The following BMPR2 variants were observed in gnomAD, a reference collection of about 807,000 sequenced individuals.
The protein encoded by BMPR2 is bone morphogenetic protein receptor type-2.
In BMPR2, 29 loss-of-function variants were observed where a neutral mutation model predicts 100.8. The ratio of observed to expected loss-of-function variants is 0.29; its 90% CI spans 0.21 to 0.39. The LOEUF (loss-of-function observed/expected upper bound fraction) is 0.39. Ranked by LOEUF, BMPR2 falls within the 10% of genes least tolerant of loss-of-function variation. BMPR2 has a pLI of 1.00. For missense variants in BMPR2, 1,011 were observed against 1,274.5 expected (o/e 0.79, Z 3.15); for synonymous variants, 382 against 442.3 (o/e 0.86, Z 1.71).
intron 3 of BMPR2, among the ~76,000 whole-genome samples, chr2:202,470,558 G>A (rs1389648284): frequency 4.0e-5 from 6 of 148,912 alleles, no homozygotes; most frequent in Non-Finnish European, 5.9e-5. Flanking sequence ...TCAGGAGATC[G>A]AGACCATCCT....
intron 7 of BMPR2, among the ~76,000 whole-genome samples, chr2:202,524,088 C>T (rs964240869): frequency 3.3e-5 from 5 of 151,832 alleles, no homozygotes; most frequent in Non-Finnish European, 7.4e-5. Context: ...TGGGGCCGGA[C>T]GCGGTGGCTC....
At chr2:202,478,196 G>A (rs1346149287) in intron 3 of BMPR2, among the ~76,000 whole-genome samples, 1 of 152,114 alleles carries the variant, frequency 6.6e-6, no homozygotes, top group Admixed American at 6.6e-5. Flanking sequence ...GTTTGAAATG[G>A]CCTGCAAGAG....
chr2:202,559,595 C>A, intron 12 of BMPR2, 101 bp from the exon 13 acceptor site: 5 of 1,264,742 alleles, frequency 4.0e-6, no homozygotes, highest in Non-Finnish European at 5.6e-6. Flanking sequence ...TTCATTAGCA[C>A]CCTCCTGAGA....
At chr2:202,533,052 A>G (rs1303397068) in intron 9 of BMPR2, among the ~76,000 whole-genome samples, 2 of 152,216 alleles carry the variant, frequency 1.3e-5, no homozygotes, top group Non-Finnish European at 2.9e-5. Context: ...AGTGTTTGAG[A>G]CAAGGTACAC....
At chr2:202,491,222 A>G (rs1467714465) in intron 3 of BMPR2, among the ~76,000 whole-genome samples, 1 of 152,030 alleles carries the variant, frequency 6.6e-6, no homozygotes, top group African/African-American at 2.4e-5. Context: ...ACACCCGGCT[A>G]ATCTTTTAAT....
At chr2:202,437,553 T>G (rs889018166) in intron 1 of BMPR2, among the ~76,000 whole-genome samples, 2 of 150,540 alleles carry the variant, frequency 1.3e-5, no homozygotes, top group African/African-American at 5.0e-5. Flanking sequence ...CTGTCACCAC[T>G]GTCAATTTTA....
rs534474765 is a variant in BMPR2, at chr2:202,376,725, C to A, written c.-750C>A. ...AAGGGGCAGCCTCTCACACCCACTC[C>A]GCCTGCCGTCTCGGGGAGCCCGGAC... On this transcript the variant is annotated 5_prime_UTR_variant, in exon 1 of 13. Coordinates refer to ENST00000374580, the MANE Select transcript of BMPR2 (RefSeq NM_001204.7). Among the ~76,000 whole-genome samples, 1 of 150,810 alleles carries A rather than the reference C, an allele frequency of 6.6e-6. No homozygotes were observed. Among genetic ancestry groups the A allele is most frequent in the Non-Finnish European group, 1.5e-5 (1 of 67,712 alleles).
chr2:202,480,891 G>C (rs1160576670), intron 3 of BMPR2, among the ~76,000 whole-genome samples: 2 of 143,948 alleles, frequency 1.4e-5, no homozygotes, highest in Non-Finnish European at 3.0e-5. Flanking sequence ...GGAGGTGGAG[G>C]TTGCAGTGAG....
chr2:202,514,864 G>C (rs1296313690), intron 4 of BMPR2, 24 bp from the exon 5 acceptor site: 1 of 1,572,280 alleles, frequency 6.4e-7, no homozygotes, highest in South Asian at 1.1e-5. Flanking sequence ...CCATATATTA[G>C]TAACCTGTTT....
At chr2:202,416,558 T>G (rs533416618) in intron 1 of BMPR2, among the ~76,000 whole-genome samples, 18 of 151,844 alleles carry the variant, frequency 1.2e-4, no homozygotes, top group African/African-American at 3.9e-4. Flanking sequence ...CCCAAGTAGC[T>G]GGGACTACAG....
Position 202,559,850 on chromosome 2 carries a change from G to A in BMPR2, c.3021G>A (p.Arg1007=), listed in dbSNP as rs766022193. 4.3e-6 allele frequency: 7 copies of A among 1,613,928 alleles called. No homozygotes were observed. The highest frequency in any genetic ancestry group is 5.9e-6 in the Non-Finnish European group (7 of 1,180,020). Residue 1007 remains arginine, a synonymous_variant, in exon 13 of 13, where the codon AGG becomes AGA. Coordinates refer to ENST00000374580, the MANE Select transcript of BMPR2 (RefSeq NM_001204.7). ...DCEVNNNGSN[R]AVHSKSSTAV... is the part of the protein sequence containing the mutation. ...AAGTCAACAATAATGGCAGTAACAG[G>A]GCAGTTCATTCCAAATCCAGCACTG...
Position 202,432,880 on chromosome 2 carries a change from A to G in BMPR2, c.77-31929A>G, listed in dbSNP as rs1199987497. Among the ~76,000 whole-genome samples the G allele has an allele frequency of 2.0e-5, 3 of 150,524 alleles. 1 individual carries two copies. Among genetic ancestry groups the G allele is most frequent in the African/African-American group, 5.0e-5 (2 of 39,842 alleles). The stretch of plus-strand genomic sequence containing the variant: ...TGTGTGTTTTGTTGTCGTTGTTGTT[A>G]ACTAAAATGATAAAGGGATCCTCAG... On this transcript the variant is annotated intron_variant, in intron 1 of 12. Coordinates refer to ENST00000374580, the MANE Select transcript of BMPR2 (RefSeq NM_001204.7).
rs150513235 is a variant in BMPR2 at position 202,486,530 on chromosome 2, G to A, written c.418+18841G>A. On this transcript the variant is annotated intron_variant, in intron 3 of 12. Coordinates refer to ENST00000374580, the MANE Select transcript of BMPR2 (RefSeq NM_001204.7). Reference sequence around the variant, plus strand: ...GCCTGTAGTCCCAGCTACTCAGGCGGCTACAGCACAAGAATTGCTTGAACT... The same window carrying A: ...GCCTGTAGTCCCAGCTACTCAGGCGACTACAGCACAAGAATTGCTTGAACT... Among the ~76,000 whole-genome samples, 50 of 149,572 alleles carry A rather than the reference G, an allele frequency of 3.3e-4. 1 individual carries two copies. The highest frequency in any genetic ancestry group is 8.6e-4 in the Admixed American group (13 of 15,038).
Position 202,530,730 on chromosome 2 carries a change from A to T in BMPR2, c.968-64A>T, listed in dbSNP as rs970264348. On this transcript the variant is annotated intron_variant, in intron 7 of 12. Coordinates refer to ENST00000374580, the MANE Select transcript of BMPR2 (RefSeq NM_001204.7). ...AATAATACTACTTCTATATTTATGT[A>T]TGTTCATTTCATGTTCAATAGTCCC... The T allele has an allele frequency of 2.2e-5, 31 of 1,385,148 alleles. No individual in the cohort carries two copies. In the Admixed American group the frequency reaches 6.1e-4, roughly 27 times the overall value. The allele number at this position is 1,385,148 out of a possible 1,614,324, so 85.8% of individuals were successfully genotyped here.
In BMPR2 at chr2:202,470,712, C is replaced by T. The variant is rs372869531; in HGVS notation, c.418+3023C>T. 1.7e-3 allele frequency among the ~76,000 whole-genome samples: 256 copies of T among 146,606 alleles called. 2 individuals are homozygous for T. Among genetic ancestry groups the T allele is most frequent in the African/African-American group, 6.1e-3 (240 of 39,486 alleles). ...CCGGGAAGCGGAGCTTGCAGTGAGC[C>T]GAGATTGCGCCACTGCAGTCCGCAG... On this transcript the variant is annotated intron_variant, in intron 3 of 12. Transcript: ENST00000374580.
Position 202,377,465 on chromosome 2 carries a change from T to C in BMPR2, c.-10T>C. 1.2e-6 allele frequency: 2 copies of C among 1,614,210 alleles called. No individual in the cohort carries two copies. The highest frequency in any genetic ancestry group is 1.7e-6 in the Non-Finnish European group (2 of 1,179,998). On this transcript the variant is annotated 5_prime_UTR_variant, in exon 1 of 13. Transcript: ENST00000374580. ...TTTCTTTGCCCTCCTGATTCTTGGC[T>C]GGCCCAGGGATGACTTCCTCGCTGC... is the stretch of plus-strand genomic sequence containing the variant.
At position 202,513,752 on chromosome 2, in the gene BMPR2, T is replaced by C. The variant is rs936828157; in HGVS notation, c.452T>C (p.Ile151Thr). The change falls in exon 4 of 13, where the codon ATA (isoleucine) becomes ACA (threonine). Residue 151 changes from isoleucine (I) to threonine (T), a missense_variant. Transcript: ENST00000374580. ...CATTCATTTAACCGAGATGAGACAA[T>C]AATCATTGCTTTGGCATCAGTCTCT... ...PPHSFNRDET[I>T]IIALASVSVL... The C allele has an allele frequency of 4.3e-6, 7 of 1,613,480 alleles. No individual in the cohort carries two copies. The highest frequency in any genetic ancestry group is 5.9e-6 in the Non-Finnish European group (7 of 1,179,684).
chr2:202,554,068 A>G lies in BMPR2; in HGVS notation c.1586+1180A>G, dbSNP rs139212107. 5.0e-3 allele frequency among the ~76,000 whole-genome samples: 759 copies of G among 152,324 alleles called. 5 individuals carry two copies. The highest frequency in any genetic ancestry group is 8.7e-3 in the Non-Finnish European group (594 of 68,024). On this transcript the variant is annotated intron_variant, in intron 11 of 12. Transcript: ENST00000374580. ...AAAATTTGGTTTGCACTACTTTTGTATAGGTCAAATTAGTTTCAAATATAA... is the reference window on the plus strand; with the variant it reads ...AAAATTTGGTTTGCACTACTTTTGTGTAGGTCAAATTAGTTTCAAATATAA...
intron 3 of BMPR2, among the ~76,000 whole-genome samples, chr2:202,502,794 G>A (rs984330028): frequency 2.6e-5 from 4 of 152,082 alleles, no homozygotes; most frequent in Non-Finnish European, 4.4e-5. Context: ...GCCACCCAGC[G>A]TTTACAGGAA....
Sources: gnomAD v4.1 joint callset for allele counts (sites outside exome capture counted in the v4.1 genomes callset) on GRCh38, gnomAD v4.1.1 for gene constraint, MANE v1.5 for transcripts, NCBI Gene and HGNC (gene_info 2026-07-23, HGNC 2026-07-21) for gene names.